SKAP2: variants seen among roughly 807,000 people sequenced by gnomAD.
SKAP2 encodes src kinase associated phosphoprotein 2.
A neutral mutation model predicts 54.9 loss-of-function variants in SKAP2; 28 were observed. The observed-to-expected ratio is 0.51, with a 90% CI of 0.38 to 0.70. The LOEUF (loss-of-function observed/expected upper bound fraction) is 0.70, where lower values mean the gene tolerates loss of function less well. Ranked by LOEUF, SKAP2 falls within the 30% of genes least tolerant of loss-of-function variation. The pLI, the probability that SKAP2 is intolerant of heterozygous loss-of-function variation, is 0.00. For missense variants in SKAP2, 356 were observed against 424.1 expected (o/e 0.84, Z 1.41); for synonymous variants, 137 against 134.3 (o/e 1.02, Z -0.14).
At chr7:26,778,675 T>C (rs1783364077) in intron 4 of SKAP2, among the ~76,000 whole-genome samples, 2 of 151,988 alleles carry the variant, frequency 1.3e-5, no homozygotes, top group South Asian at 2.1e-4. Flanking sequence ...GTTACTTATC[T>C]GGGAAAGCAG....
chr7:26,716,316 T>A (rs1304287255), intron 9 of SKAP2, among the ~76,000 whole-genome samples: 1 of 151,050 alleles, frequency 6.6e-6, no homozygotes, highest in Admixed American at 6.6e-5. Flanking sequence ...TATAGTTAGA[T>A]GAATTTGAGC....
At chr7:26,657,694 A>C in the SKAP2 span, among the ~76,000 whole-genome samples, 2 of 151,916 alleles carry the variant, frequency 1.3e-5, no homozygotes, top group Non-Finnish European at 2.9e-5. Context: ...AAGCGGAATA[A>C]GGCTGCCAGC....
downstream of SKAP2, among the ~76,000 whole-genome samples, chr7:26,663,086 C>T (rs755133461): frequency 1.3e-5 from 2 of 152,038 alleles, no homozygotes; most frequent in Non-Finnish European, 2.9e-5. Context: ...CAGGGTAATG[C>T]AGTCATTCAC....
At chr7:26,858,907 C>T (rs1785227597) in intron 1 of SKAP2, among the ~76,000 whole-genome samples, 1 of 152,132 alleles carries the variant, frequency 6.6e-6, no homozygotes, top group Non-Finnish European at 1.5e-5. Context: ...ATAGGGCTTG[C>T]ATACTGGAGG....
chr7:26,826,870 G>A (rs1045191240), intron 4 of SKAP2, among the ~76,000 whole-genome samples: 1 of 152,036 alleles, frequency 6.6e-6, no homozygotes, highest in Non-Finnish European at 1.5e-5. Flanking sequence ...CTAGCACTTT[G>A]CCTAAAACGT....
At chr7:26,665,665 A>T (rs1437326177), downstream of SKAP2, among the ~76,000 whole-genome samples, 2 of 152,194 alleles carry the variant, frequency 1.3e-5, no homozygotes, top group Non-Finnish European at 2.9e-5. Flanking sequence ...ATGAAATGTC[A>T]TTCCATGCTA....
At chr7:26,660,255 T>C in the SKAP2 span, among the ~76,000 whole-genome samples, 3 of 152,120 alleles carry the variant, frequency 2.0e-5, no homozygotes, top group Non-Finnish European at 2.9e-5. Flanking sequence ...ATGACAGATT[T>C]TCAGTTATGC....
intron 4 of SKAP2, among the ~76,000 whole-genome samples, chr7:26,788,438 A>C (rs902054908): frequency 2.0e-4 from 30 of 152,254 alleles, no homozygotes; most frequent in Non-Finnish European, 3.5e-4. Context: ...GAAAAAAAAA[A>C]CTAGTATATA....
At chr7:26,707,369 A>G (rs1379552172) in intron 9 of SKAP2, among the ~76,000 whole-genome samples, 1 of 152,082 alleles carries the variant, frequency 6.6e-6, no homozygotes, top group East Asian at 1.9e-4. Flanking sequence ...CAGAAAAAAA[A>G]AAAGAAGTAA....
intron 9 of SKAP2, among the ~76,000 whole-genome samples, chr7:26,701,892 T>C (rs902937826): frequency 7.9e-5 from 12 of 152,150 alleles, no homozygotes; most frequent in African/African-American, 2.9e-4. Flanking sequence ...TGTTTGTCAT[T>C]AATACCACAA....
intron 4 of SKAP2, among the ~76,000 whole-genome samples, chr7:26,813,245 C>G (rs910269651): frequency 6.6e-6 from 1 of 152,094 alleles, no homozygotes; most frequent in African/African-American, 2.4e-5. Context: ...CTGCTAGGCA[C>G]AAAAGTAACA....
chr7:26,770,659 T>C (rs2127974721), intron 4 of SKAP2, among the ~76,000 whole-genome samples: 1 of 152,312 alleles, frequency 6.6e-6, no homozygotes, highest in South Asian at 2.1e-4. Context: ...GGCCAGAGTG[T>C]ACCATTCCTC....
At chr7:26,671,465 C>A (rs1214682812) in intron 11 of SKAP2, among the ~76,000 whole-genome samples, 2 of 151,952 alleles carry the variant, frequency 1.3e-5, no homozygotes, top group South Asian at 4.1e-4. Flanking sequence ...TTCTTTAATA[C>A]AAATGTAGCA....
intron 4 of SKAP2, among the ~76,000 whole-genome samples, chr7:26,814,756 A>G (rs12532199): frequency 0.21 from 32,283 of 152,020 alleles, 3,507 homozygotes; most frequent in Non-Finnish European, 0.24. Flanking sequence ...CTACTTTAAA[A>G]CTTTCTAAAA....
intron 4 of SKAP2, among the ~76,000 whole-genome samples, chr7:26,826,146 A>G (rs1784490246): frequency 7.5e-6 from 1 of 134,030 alleles, no homozygotes; most frequent in Non-Finnish European, 1.7e-5. Context: ...CACACACGCC[A>G]CAGTGATTGA....
In SKAP2 at chr7:26,730,510, A is replaced by AT. The variant is rs1329199326; in HGVS notation, c.470-3505dup. ...CTCAAACAAATCTTTTAAACATAAC[A>AT]TTTTTTTCTTAACATAGTATCATTT... On this transcript the variant is annotated intron_variant, in intron 6 of 12. Coordinates refer to ENST00000345317, the MANE Select transcript of SKAP2 (RefSeq NM_003930.5). Among the ~76,000 whole-genome samples the AT allele has an allele frequency of 1.4e-4, 21 of 152,164 alleles. 1 individual carries two copies. The East Asian group carries it at 3.3e-3, about 24-fold the overall frequency.
intron 11 of SKAP2, among the ~76,000 whole-genome samples, chr7:26,679,891 A>G (rs1362796365): frequency 6.6e-6 from 1 of 152,232 alleles, no homozygotes; most frequent in Non-Finnish European, 1.5e-5. Flanking sequence ...AAAGGGAGGT[A>G]CTGCTTGAAA....
the SKAP2 span, among the ~76,000 whole-genome samples, chr7:26,661,045 T>A: frequency 6.6e-6 from 1 of 152,104 alleles, no homozygotes; most frequent in African/African-American, 2.4e-5. Context: ...ATCTTCTAAG[T>A]AATTCACATG....
At chr7:26,830,510 T>A (rs1157285110) in intron 4 of SKAP2, among the ~76,000 whole-genome samples, 1 of 152,196 alleles carries the variant, frequency 6.6e-6, no homozygotes, top group Admixed American at 6.5e-5. Flanking sequence ...CTCTTTTAAC[T>A]CAATAAATGC....
Sources: allele counts gnomAD v4.1 joint callset (sites outside exome capture counted in the v4.1 genomes callset), GRCh38; gene constraint gnomAD v4.1.1; transcripts MANE v1.5; gene names NCBI Gene and HGNC (gene_info 2026-07-23, HGNC 2026-07-21).